INTS3: variants seen among roughly 807,000 people sequenced by gnomAD.
INTS3 encodes integrator complex subunit 3.
INTS3 carries 34 observed loss-of-function variants against 146.3 expected under a neutral mutation model. The ratio of observed to expected loss-of-function variants is 0.23; its 90% CI spans 0.18 to 0.31. INTS3 has a LOEUF of 0.31. Among genes scored for constraint, INTS3 ranks in the 10% least tolerant of loss-of-function variants. INTS3 has a pLI of 1.00. For synonymous variants in INTS3, 475 were observed against 494.9 expected (o/e 0.96, Z 0.53); for missense variants, 757 against 1,304.2 (o/e 0.58, Z 6.46).
intron 19 of INTS3, 60 bp downstream of exon 19, chr1:153,764,794 A>T (rs41265189): frequency 1.3e-6 from 2 of 1,481,558 alleles, no homozygotes; most frequent in Admixed American, 3.3e-5. Context: ...CAGCACACAC[A>T]TGTGCTCCTG....
rs766618587 is a variant in INTS3 at position 153,751,144 on chromosome 1, T to A, written c.634T>A (p.Tyr212Asn). Reference protein sequence around the residue: ...SILIAMAVYTYLRLIVDHHGT... With the variant: ...SILIAMAVYTNLRLIVDHHGT... ...CCTCATTGCCATGGCTGTTTACACG[T>A]ACCTCCGCCTCATCGTGGACCACCA... Residue 212 changes from tyrosine to asparagine, a missense_variant, in exon 7 of 30, where the codon TAC becomes AAC. Physicochemically the swap from Tyr to Asn is moderately radical, Grantham distance 143 (BLOSUM62 -2). This residue lies in a region of INTS3 where 134 missense variants were observed against 243.1 expected (regional missense o/e 0.55). Coordinates refer to ENST00000318967, the MANE Select transcript of INTS3 (RefSeq NM_023015.5). 45 of 1,614,052 alleles carry A rather than the reference T, an allele frequency of 2.8e-5. No homozygotes were observed. The highest frequency in any genetic ancestry group is 3.8e-5 in the Non-Finnish European group (45 of 1,180,012).
At chr1:153,742,222 A>G (rs1407036095) in intron 3 of INTS3, among the ~76,000 whole-genome samples, 3 of 152,238 alleles carry the variant, frequency 2.0e-5, no homozygotes, top group African/African-American at 7.2e-5. Flanking sequence ...GGCAGCAAGT[A>G]TTCACAAATT....
At chr1:153,770,361 C>T (rs377574261) in intron 24 of INTS3, 50 bp downstream of exon 24, 380 of 1,153,292 alleles carry the variant, frequency 3.3e-4, no homozygotes, top group Non-Finnish European at 4.7e-4. Flanking sequence ...ACTTCCTATA[C>T]AGTTAGGGCA....
In INTS3 at chr1:153,764,144, T is replaced by C; in HGVS notation, c.1848T>C (p.Ser616=). 6.2e-7 allele frequency: 1 copy of C among 1,614,012 alleles called. No individual in the cohort carries two copies. Among genetic ancestry groups the C allele is most frequent in the Non-Finnish European group, 8.5e-7 (1 of 1,179,932 alleles). ...LEEDFDSEQL[S]VLASCLQELF... ...AAGACTTTGACTCGGAGCAGCTGTC[T>C]GTCCTTGCTTCCTGCCTACAGGAGC... The change falls in exon 18 of 30, where the codon TCT becomes TCC. Residue 616 remains serine, a synonymous_variant. Coordinates refer to ENST00000318967, the MANE Select transcript of INTS3 (RefSeq NM_023015.5).
At chr1:153,770,936 C>T (rs750682492) in intron 25 of INTS3, among the ~76,000 whole-genome samples, 1 of 152,172 alleles carries the variant, frequency 6.6e-6, no homozygotes, top group Admixed American at 6.5e-5. Context: ...CCCCCCTGCC[C>T]ACCAGGAGCT....
intron 25 of INTS3, 42 bp downstream of exon 25, chr1:153,770,775 A>G (rs377200502): frequency 1.3e-6 from 2 of 1,501,580 alleles, no homozygotes. Context: ...CAATTTTAAC[A>G]TCCCAAGAGC....
intron 16 of INTS3, 45 bp downstream of exon 16, chr1:153,763,407 G>T: frequency 6.2e-7 from 1 of 1,609,420 alleles, no homozygotes; most frequent in Non-Finnish European, 8.5e-7. Flanking sequence ...TCAGCCCCAG[G>T]CTCTCTACCT....
intron 1 of INTS3, among the ~76,000 whole-genome samples, chr1:153,738,074 CT>C (rs869093791): frequency 2.6e-4 from 39 of 152,114 alleles, no homozygotes; most frequent in Admixed American, 2.1e-3. Flanking sequence ...AAGAAAAGGA[CT>C]TTTAAAAAAC....
Position 153,748,702 on chromosome 1 carries a change from A to G in INTS3, c.531A>G (p.Thr177=), listed in dbSNP as rs1458030191. 1 of 1,614,114 alleles carries G rather than the reference A, an allele frequency of 6.2e-7. No individual in the cohort carries two copies. The highest frequency in any genetic ancestry group is 8.5e-7 in the Non-Finnish European group (1 of 1,179,936). The change falls in exon 6 of 30, where the codon ACA becomes ACG. Residue 177 remains threonine (T), a synonymous_variant. Coordinates refer to ENST00000318967, the MANE Select transcript of INTS3 (RefSeq NM_023015.5). ...FMKQIAGGDV[T]AKNIWLAESV... ...TTTTGAAATCAGGTGGAGATGTTACAGCCAAAAATATCTGGTTGGCAGAAA... is the reference window on the plus strand; with the variant it reads ...TTTTGAAATCAGGTGGAGATGTTACGGCCAAAAATATCTGGTTGGCAGAAA...
chr1:153,731,577 CTCT>C (rs1295737418), intron 1 of INTS3, among the ~76,000 whole-genome samples: 4 of 129,230 alleles, frequency 3.1e-5, no homozygotes, highest in Non-Finnish European at 6.5e-5. Flanking sequence ...CAAGAGCGTC[CTCT>C]TTTTTTTTTT....
chr1:153,746,754 CTG>C (rs1044222732), intron 3 of INTS3: 6 of 549,200 alleles, frequency 1.1e-5, no homozygotes, highest in East Asian at 5.8e-5. Context: ...TTTCCCCACT[CTG>C]TGTGACAGAA....
At chr1:153,731,901 CT>C (rs34353204) in intron 1 of INTS3, among the ~76,000 whole-genome samples, 3,460 of 65,118 alleles carry the variant, frequency 0.053, 29 homozygotes, top group African/African-American at 0.17. Flanking sequence ...CTTTTTTTAA[CT>C]TTTTTTTTTT....
intron 1 of INTS3, among the ~76,000 whole-genome samples, chr1:153,735,971 A>G (rs2101779587): frequency 6.6e-6 from 1 of 152,258 alleles, no homozygotes; most frequent in South Asian, 2.1e-4. Flanking sequence ...GCCTCAGGTG[A>G]TCTACCTGCC....
chr1:153,760,602 C>T, intron 12 of INTS3: 1 of 624,052 alleles, frequency 1.6e-6, no homozygotes, highest in Non-Finnish European at 2.8e-6. Flanking sequence ...TTCTCAATCA[C>T]AAGGATGGTG....
intron 1 of INTS3, among the ~76,000 whole-genome samples, chr1:153,732,906 C>A (rs375480087): frequency 1.4e-4 from 21 of 151,344 alleles, no homozygotes; most frequent in African/African-American, 4.9e-4. Flanking sequence ...CAGATTCAAG[C>A]GATTTTCCTG....
In INTS3 at chr1:153,746,957, T is replaced by C; in HGVS notation, c.319T>C (p.Cys107Arg). Residue 107 changes from cysteine (C) to arginine (R), a missense_variant and splice_region_variant, in exon 4 of 30, where the codon TGT (cysteine) becomes CGT (arginine). Around this residue, in one of 8 missense-constraint regions of INTS3, gnomAD observed 160 missense variants for 193.7 expected, o/e 0.83. Transcript: ENST00000318967. ...ILTEPAQAQK[C>R]YRDLALVSRD... ...TGATCACAAACTTTACTTCTCACAG[T>C]GTTACCGGGACTTAGCTCTGGTGAG... The C allele has an allele frequency of 1.1e-5, 17 of 1,606,564 alleles. No individual in the cohort carries two copies. Among genetic ancestry groups the C allele is most frequent in the Non-Finnish European group, 1.4e-5 (17 of 1,173,456 alleles).
At chr1:153,759,644 C>A in intron 11 of INTS3, 31 bp downstream of exon 11, 1 of 1,398,756 alleles carries the variant, frequency 7.1e-7, no homozygotes. Context: ...GGCTCCACTT[C>A]CCCATCCCCC....
chr1:153,742,068 C>T (rs1034997298), intron 3 of INTS3, among the ~76,000 whole-genome samples: 6 of 152,054 alleles, frequency 3.9e-5, no homozygotes, highest in East Asian at 1.9e-4. Flanking sequence ...AAATCATTTC[C>T]GGGGATAAGA....
intron 3 of INTS3, among the ~76,000 whole-genome samples, 166 bp downstream of exon 3, chr1:153,741,534 C>T (rs1429132045): frequency 1.3e-5 from 2 of 152,190 alleles, no homozygotes; most frequent in African/African-American, 2.4e-5. Context: ...ATTGGTCATC[C>T]TCTGACTAAA....
Sources: gnomAD v4.1 joint callset for allele counts (sites outside exome capture counted in the v4.1 genomes callset) on GRCh38, gnomAD v4.1.1 for gene constraint, gnomAD v4.1.1 regional missense constraint, MANE v1.5 for transcripts, NCBI Gene and HGNC (gene_info 2026-07-23, HGNC 2026-07-21) for gene names.